RIT2: variants seen among roughly 807,000 people sequenced by gnomAD.
The protein encoded by RIT2 is GTP-binding protein Rit2.
Under a neutral mutation model 23.7 loss-of-function variants are expected in RIT2, and 24 were observed. The ratio of observed to expected loss-of-function variants is 1.01; its 90% CI spans 0.73 to 1.43. RIT2 has a LOEUF of 1.43. Ranked by LOEUF, RIT2 falls within the 40% of genes most tolerant of loss-of-function variation. RIT2 has a pLI of 0.00. For synonymous variants in RIT2, 107 were observed against 91.1 expected, an observed-to-expected ratio of 1.17 and a Z score of -0.99; for missense variants, 236 against 266.9, an observed-to-expected ratio of 0.88 and a Z score of 0.81.
intron 1 of RIT2, among the ~76,000 whole-genome samples, chr18:43,073,116 C>T (rs1363079219): frequency 1.3e-5 from 2 of 150,748 alleles, no homozygotes; most frequent in Non-Finnish European, 3.0e-5. Context: ...TCAGGGGCCA[C>T]AGTCCAGCTT....
Position 42,935,196 on chromosome 18 carries a change from TACAA to T in RIT2, c.235-11437_235-11434del, listed in dbSNP as rs1327531857. On this transcript the variant is annotated intron_variant, in intron 3 of 4. Transcript: ENST00000326695. ...ACCCTGAGGACCCTGTTAAGGAAGA[TACAA>T]GGTCTAACTGTGGGATATTCTGGTG... 4.8e-4 allele frequency among the ~76,000 whole-genome samples: 73 copies of T among 152,282 alleles called. 1 individual carries two copies. The South Asian group carries it at 8.5e-3, about 18-fold the overall frequency.
intron 4 of RIT2, among the ~76,000 whole-genome samples, chr18:42,795,392 G>A (rs1905313126): frequency 6.6e-6 from 1 of 152,218 alleles, no homozygotes; most frequent in Non-Finnish European, 1.5e-5. Flanking sequence ...GGCTGTGGAG[G>A]GTGTACTGGG....
chr18:42,782,586 G>A (rs1027765958), intron 4 of RIT2, among the ~76,000 whole-genome samples: 2 of 152,040 alleles, frequency 1.3e-5, no homozygotes, highest in African/African-American at 4.8e-5. Flanking sequence ...ATAAGTGTAA[G>A]ACAATTTAGA....
chr18:42,953,931 T>A, intron 3 of RIT2, among the ~76,000 whole-genome samples: 1 of 152,166 alleles, frequency 6.6e-6, no homozygotes, highest in Non-Finnish European at 1.5e-5. Context: ...ATGAACTCTA[T>A]TTCTCATCTA....
chr18:43,099,188 C>T (rs747088345), intron 1 of RIT2, among the ~76,000 whole-genome samples: 15 of 152,014 alleles, frequency 9.9e-5, no homozygotes, highest in Non-Finnish European at 1.9e-4. Flanking sequence ...GGTGTGGGCT[C>T]AGGCTAGTTC....
chr18:42,755,870 A>T (rs1913150542), intron 4 of RIT2, among the ~76,000 whole-genome samples: 1 of 152,176 alleles, frequency 6.6e-6, no homozygotes, highest in Admixed American at 6.5e-5. Context: ...TGGCATTTAC[A>T]AGTAATGCCC....
chr18:43,040,738 G>C (rs1912108438), intron 1 of RIT2, among the ~76,000 whole-genome samples: 1 of 152,070 alleles, frequency 6.6e-6, no homozygotes, highest in African/African-American at 2.4e-5. Flanking sequence ...CACATAGCAG[G>C]CTTCAGCATA....
At chr18:42,991,483 G>A (rs540246566) in intron 2 of RIT2, among the ~76,000 whole-genome samples, 2 of 152,214 alleles carry the variant, frequency 1.3e-5, no homozygotes, top group Admixed American at 1.3e-4. Context: ...TTCCAATTTT[G>A]GGCACCTTGA....
intron 4 of RIT2, among the ~76,000 whole-genome samples, chr18:42,802,902 CT>C (rs974483112): frequency 2.0e-5 from 3 of 152,040 alleles, no homozygotes; most frequent in Admixed American, 6.6e-5. Context: ...TTATTTCCAG[CT>C]TTTTTTGTGT....
intron 4 of RIT2, among the ~76,000 whole-genome samples, chr18:42,917,485 G>T (rs543859253): frequency 6.6e-6 from 1 of 152,114 alleles, no homozygotes; most frequent in East Asian, 1.9e-4. Context: ...TGGAATTCGT[G>T]AACAGTCAGC....
intron 2 of RIT2, among the ~76,000 whole-genome samples, chr18:42,993,609 G>T (rs1469110537): frequency 1.3e-5 from 2 of 151,922 alleles, no homozygotes; most frequent in African/African-American, 4.8e-5. Context: ...CTCCTTTTTA[G>T]TTATCCCCAC....
chr18:43,050,768 A>T (rs1171114254), intron 1 of RIT2, among the ~76,000 whole-genome samples: 2 of 151,958 alleles, frequency 1.3e-5, no homozygotes, highest in African/African-American at 2.4e-5. Flanking sequence ...TCCATAAAAA[A>T]CCCAAAAGGA....
intron 4 of RIT2, among the ~76,000 whole-genome samples, chr18:42,759,305 A>G (rs1781317826): frequency 6.6e-6 from 1 of 152,182 alleles, no homozygotes; most frequent in Non-Finnish European, 1.5e-5. Context: ...TTCTTACATG[A>G]AGAAAATTTG....
intron 4 of RIT2, among the ~76,000 whole-genome samples, chr18:42,797,117 G>C (rs1225253680): frequency 6.6e-6 from 1 of 152,112 alleles, no homozygotes; most frequent in Non-Finnish European, 1.5e-5. Context: ...AGGCCCTCAG[G>C]AGATGGCCTG....
At chr18:42,805,974 T>A (rs2143968372) in intron 4 of RIT2, among the ~76,000 whole-genome samples, 1 of 152,024 alleles carries the variant, frequency 6.6e-6, no homozygotes, top group East Asian at 1.9e-4. Flanking sequence ...CACTCACCAT[T>A]TAACGACACA....
At chr18:43,078,008 A>G (rs1167348555) in intron 1 of RIT2, among the ~76,000 whole-genome samples, 1 of 152,176 alleles carries the variant, frequency 6.6e-6, no homozygotes, top group African/African-American at 2.4e-5. Context: ...TCTAATTGAC[A>G]TGTCTTGCTT....
At chr18:42,820,274 T>G (rs1477911344) in intron 4 of RIT2, among the ~76,000 whole-genome samples, 3 of 151,960 alleles carry the variant, frequency 2.0e-5, no homozygotes, top group African/African-American at 7.3e-5. Context: ...CATCAGAAAC[T>G]ATTCTTGGAG....
At chr18:43,043,040 T>C (rs1912164923) in intron 1 of RIT2, among the ~76,000 whole-genome samples, 1 of 152,190 alleles carries the variant, frequency 6.6e-6, no homozygotes, top group Non-Finnish European at 1.5e-5. Flanking sequence ...ATGTCTTTTA[T>C]GTCCAAATAT....
intron 1 of RIT2, among the ~76,000 whole-genome samples, chr18:43,090,216 G>T (rs997830594): frequency 6.6e-6 from 1 of 152,106 alleles, no homozygotes; most frequent in Non-Finnish European, 1.5e-5. Context: ...CAAAGGACAT[G>T]AACAGACACT....
Sources: gnomAD v4.1 joint callset for allele counts (sites outside exome capture counted in the v4.1 genomes callset) on GRCh38, gnomAD v4.1.1 for gene constraint, MANE v1.5 for transcripts, NCBI Gene and HGNC (gene_info 2026-07-23, HGNC 2026-07-21) for gene names.